The following TTC34 variants were observed in gnomAD, a reference collection of about 807,000 sequenced individuals.
The protein encoded by TTC34 is tetratricopeptide repeat protein 34.
TTC34 carries 44 observed loss-of-function variants against 40.7 expected under a neutral mutation model. The ratio of observed to expected loss-of-function variants is 1.08; its 90% CI spans 0.85 to 1.39. TTC34 has a LOEUF of 1.39. TTC34 is among the 40% of genes most tolerant of loss of function. TTC34 has a pLI of 0.00. For synonymous variants in TTC34, 422 were observed against 398.6 expected, an observed-to-expected ratio of 1.06 and a Z score of -0.70; for missense variants, 884 against 838.0, an observed-to-expected ratio of 1.05 and a Z score of -0.68.
At chr1:2,686,695 ACG>A (rs1481533437) in intron 6 of TTC34, among the ~76,000 whole-genome samples, 5 of 148,906 alleles carry the variant, frequency 3.4e-5, no homozygotes, top group East Asian at 2.1e-4. Flanking sequence ...CCAGGTGCGC[ACG>A]TGACAGCCTG....
At chr1:2,677,728 GC>G (rs1639964251) in intron 6 of TTC34, among the ~76,000 whole-genome samples, 1 of 92,800 alleles carries the variant, frequency 1.1e-5, no homozygotes, top group Non-Finnish European at 2.3e-5. Context: ...ACAGCACCCT[GC>G]ACCCCCAGGT....
chr1:2,688,110 C>T (rs1399696870), intron 6 of TTC34, among the ~76,000 whole-genome samples: 51 of 151,844 alleles, frequency 3.4e-4, no homozygotes, highest in African/African-American at 1.1e-3. Flanking sequence ...ACGTGACAGC[C>T]TGGAACAGCA....
Position 2,645,443 on chromosome 1 carries a change from G to A in TTC34, c.2347C>T (p.Arg783Trp), listed in dbSNP as rs769408367. ...TCTGGCAGCTGGCTCAGAAGGGCCC[G>A]GCAGTGGGAGTAGAGGCCCTGTGTG... The change falls in exon 7 of 9, where the codon CGG (arginine) becomes TGG (tryptophan). Residue 783 changes from arginine (R) to tryptophan (W), a missense_variant. Arg to Trp is a moderately radical substitution (Grantham distance 101). Coordinates refer to ENST00000401095, the Ensembl canonical transcript of TTC34. This position sits in a 1 kb window ranked among gnomAD's most constrained non-coding sequence, Gnocchi z 4.7. 9.8e-6 allele frequency: 15 copies of A among 1,535,378 alleles called. No individual in the cohort carries two copies. Among genetic ancestry groups the A allele is most frequent in the Admixed American group, 7.9e-5 (4 of 50,932 alleles).
intron 6 of TTC34, among the ~76,000 whole-genome samples, chr1:2,673,384 C>A (rs1359895290): frequency 5.7e-5 from 4 of 69,610 alleles, no homozygotes; most frequent in Non-Finnish European, 1.3e-4. Context: ...GGGCCTGGGT[C>A]GGCACCCACA....
intron 6 of TTC34, among the ~76,000 whole-genome samples, chr1:2,675,215 C>G (rs1310567514): frequency 2.7e-5 from 4 of 149,882 alleles, no homozygotes; most frequent in East Asian, 1.9e-4. Flanking sequence ...AGGTGAGCAT[C>G]TGAGAGCCTG....
chr1:2,754,754 T>G (rs1641447471), intron 6 of TTC34, among the ~76,000 whole-genome samples: 15 of 144,230 alleles, frequency 1.0e-4, no homozygotes, highest in African/African-American at 4.1e-4. Context: ...GGTGCGCATG[T>G]GATGGTCTGG....
intron 6 of TTC34, among the ~76,000 whole-genome samples, chr1:2,750,948 C>A (rs1641299408): frequency 8.9e-6 from 1 of 112,230 alleles, no homozygotes; most frequent in African/African-American, 4.1e-5. Flanking sequence ...CATCGGACAG[C>A]CTGGAGCAGC....
chr1:2,687,955 C>A (rs558247743), intron 6 of TTC34, among the ~76,000 whole-genome samples: 2 of 151,024 alleles, frequency 1.3e-5, no homozygotes, highest in Admixed American at 6.6e-5. Flanking sequence ...CAGCCTGGAA[C>A]AGCACGCGCA....
chr1:2,684,675 ACGCC>A (rs1640238815), intron 6 of TTC34, among the ~76,000 whole-genome samples: 1 of 122,760 alleles, frequency 8.1e-6, no homozygotes, highest in African/African-American at 3.7e-5. Flanking sequence ...CAGCACCCAC[ACGCC>A]CAGGTGAGCA....
Position 2,783,793 on chromosome 1 carries a change from G to C in TTC34, c.2060-18C>G, listed in dbSNP as rs573116519. 18 of 1,481,528 alleles carry C rather than the reference G, an allele frequency of 1.2e-5. 1 individual carries two copies. In the Admixed American group the frequency reaches 3.9e-4, roughly 32 times the overall value. The allele number at this position is 1,481,528 out of a possible 1,614,324, so 91.8% of individuals were successfully genotyped here. A position where few individuals can be genotyped will look rare whatever the true frequency, so the allele number is the denominator to read the frequency against. Reference sequence around the variant, plus strand: ...CTGGCTTCCTGCAGGAAGACGGCATGGGGTCAGGATGAGCCTATGCTGGGT... The same window carrying C: ...CTGGCTTCCTGCAGGAAGACGGCATCGGGTCAGGATGAGCCTATGCTGGGT... On this transcript the variant is annotated intron_variant, in intron 5 of 8. Coordinates refer to ENST00000401095, the Ensembl canonical transcript of TTC34.
At position 2,645,587 on chromosome 1, in the gene TTC34, G is replaced by GGGT; in HGVS notation, c.2227-25_2227-24insACC. The GGGT allele has an allele frequency of 1.7e-5, 4 of 229,534 alleles. No homozygotes were observed. Among genetic ancestry groups the GGGT allele is most frequent in the South Asian group, 3.8e-5 (1 of 26,378 alleles). The allele number at this position is 229,534 out of a possible 1,614,324, so 14.2% of individuals were successfully genotyped here. On this transcript the variant is annotated intron_variant, in intron 6 of 8. Transcript: ENST00000401095. This position sits in a 1 kb window ranked among gnomAD's most constrained non-coding sequence, Gnocchi z 4.7. ...TCCTGCAAGGAGGGAGGGCGGGCGG[G>GGGT]TGCAGAGTTGTCCTAAGTAGAGAAA...
chr1:2,775,852 C>G (rs1265808984), intron 6 of TTC34, among the ~76,000 whole-genome samples: 1 of 143,574 alleles, frequency 7.0e-6, no homozygotes, highest in Non-Finnish European at 1.5e-5. Flanking sequence ...GGATGCTCAC[C>G]TGAGGTTGGG....
intron 6 of TTC34, among the ~76,000 whole-genome samples, chr1:2,750,535 G>C (rs1363356460): frequency 1.8e-5 from 1 of 55,746 alleles, no homozygotes. Flanking sequence ...CCCCAAGCGA[G>C]CATCCGACAG....
chr1:2,782,331 A>G (rs1643496229), intron 6 of TTC34, among the ~76,000 whole-genome samples: 1 of 152,134 alleles, frequency 6.6e-6, no homozygotes, highest in Non-Finnish European at 1.5e-5. Context: ...TTATTTCTGT[A>G]GAATTGGTAA....
intron 6 of TTC34, among the ~76,000 whole-genome samples, chr1:2,653,410 C>T (rs1345233748): frequency 4.5e-3 from 621 of 137,412 alleles, no homozygotes; most frequent in Admixed American, 7.4e-3. Flanking sequence ...ACCCACACCC[C>T]CAGGTGAGCA....
chr1:2,749,432 C>A lies in TTC34; in HGVS notation c.2226+34177G>T, dbSNP rs1641244899. ...CAGGTGCGCACGTGACAGCCTGGAA[C>A]AGCACCGACACCCCCAGGTGAGCAT... On this transcript the variant is annotated intron_variant, in intron 6 of 8. Coordinates refer to ENST00000401095, the Ensembl canonical transcript of TTC34. Among the ~76,000 whole-genome samples, 16 of 138,562 alleles carry A rather than the reference C, an allele frequency of 1.2e-4. 1 individual carries two copies. Among genetic ancestry groups the A allele is most frequent in the Middle Eastern group, 7.1e-3 (2 of 282 alleles). The allele number at this position is 138,562 out of a possible 152,430, so 90.9% of individuals were successfully genotyped here.
At position 2,748,208 on chromosome 1, in the gene TTC34, G is replaced by C. The variant is rs1295009578; in HGVS notation, c.2226+35401C>G. On this transcript the variant is annotated intron_variant, in intron 6 of 8. Coordinates refer to ENST00000401095, the Ensembl canonical transcript of TTC34. ...CGGAGCAGAACCCAGAACCCCAGGC[G>C]AGCATCTGACAGCCTGGAACAGCAC... Among the ~76,000 whole-genome samples the C allele has an allele frequency of 3.2e-5, 3 of 92,572 alleles. 1 individual carries two copies. The highest frequency in any genetic ancestry group is 2.9e-4 in the Admixed American group (3 of 10,478). 60.7% of individuals were successfully genotyped at this position (92,572 alleles called of 152,430 possible).
At chr1:2,769,792 C>A (rs533717066) in intron 6 of TTC34, among the ~76,000 whole-genome samples, 1 of 128,106 alleles carries the variant, frequency 7.8e-6, no homozygotes, top group African/African-American at 3.1e-5. Flanking sequence ...GCGCCCACAC[C>A]CCCAGGTGGG....
At chr1:2,688,420 G>A (rs1569571833) in intron 6 of TTC34, among the ~76,000 whole-genome samples, 3 of 151,124 alleles carry the variant, frequency 2.0e-5, no homozygotes, top group African/African-American at 7.3e-5. Flanking sequence ...CCCCAGGTGA[G>A]CATCCGACAG....
Sources: gnomAD v4.1 joint callset for allele counts (sites outside exome capture counted in the v4.1 genomes callset) on GRCh38, gnomAD v4.1.1 for gene constraint, Gnocchi (gnomAD v3.1) non-coding constraint, MANE v1.5 for transcripts, NCBI Gene and HGNC (gene_info 2026-07-23, HGNC 2026-07-21) for gene names.